SGCZ: variants seen among roughly 807,000 people sequenced by gnomAD.
SGCZ encodes the protein sarcoglycan zeta, also known as zeta-sarcoglycan.
Under a neutral mutation model 41.3 loss-of-function variants are expected in SGCZ, and 40 were observed. The observed-to-expected ratio is 0.97, with a 90% CI of 0.75 to 1.26. The LOEUF (loss-of-function observed/expected upper bound fraction) is 1.26, where lower values mean the gene tolerates loss of function less well. Among genes scored for constraint, SGCZ ranks in the 50% most tolerant of loss-of-function variants. The pLI is 0.00. For synonymous variants in SGCZ, 206 were observed against 137.5 expected (o/e 1.50, Z -3.49); for missense variants, 552 against 369.8 (o/e 1.49, Z -4.04).
chr8:14,555,737 A>T (rs553700439), intron 1 of SGCZ, among the ~76,000 whole-genome samples: 4 of 152,086 alleles, frequency 2.6e-5, no homozygotes, highest in Admixed American at 6.6e-5. Flanking sequence ...CTTTCTCTAA[A>T]AATGCAGGAT....
At chr8:14,343,017 G>A (rs979375496) in intron 2 of SGCZ, among the ~76,000 whole-genome samples, 2 of 152,182 alleles carry the variant, frequency 1.3e-5, no homozygotes, top group East Asian at 1.9e-4. Flanking sequence ...AGGGGCCAAG[G>A]TACAGCTTGG....
At chr8:15,086,739 C>A (rs1805963540) in intron 1 of SGCZ, among the ~76,000 whole-genome samples, 1 of 151,962 alleles carries the variant, frequency 6.6e-6, no homozygotes, top group African/African-American at 2.4e-5. Flanking sequence ...CTTTGTGGAC[C>A]TGGAATATTT....
At chr8:14,522,531 T>C (rs1313253701) in intron 2 of SGCZ, among the ~76,000 whole-genome samples, 2 of 151,940 alleles carry the variant, frequency 1.3e-5, no homozygotes, top group African/African-American at 4.8e-5. Flanking sequence ...ATTATTTCCT[T>C]TTTTATCCTT....
At chr8:14,505,588 T>G (rs1802282020) in intron 2 of SGCZ, among the ~76,000 whole-genome samples, 1 of 152,166 alleles carries the variant, frequency 6.6e-6, no homozygotes, top group African/African-American at 2.4e-5. Flanking sequence ...TTTCTCATCT[T>G]CCTAGTTTTT....
intron 1 of SGCZ, among the ~76,000 whole-genome samples, chr8:14,706,325 G>A (rs1229190748): frequency 7.1e-6 from 1 of 140,872 alleles, no homozygotes; most frequent in Non-Finnish European, 1.5e-5. Context: ...GATTCTTTTT[G>A]ACAATTGTGT....
intron 4 of SGCZ, among the ~76,000 whole-genome samples, chr8:14,222,513 A>T (rs1234176829): frequency 6.6e-6 from 1 of 151,996 alleles, no homozygotes; most frequent in Non-Finnish European, 1.5e-5. Context: ...AATAATCTTA[A>T]CTTTCATGCA....
intron 1 of SGCZ, among the ~76,000 whole-genome samples, chr8:15,097,863 T>TATATATATATATATATATAC (rs1563124023): frequency 1.3e-3 from 29 of 22,804 alleles, no homozygotes; most frequent in African/African-American, 3.4e-3. Context: ...TATACGTGTG[T>TATATATATATATATATATAC]GTGTATATAT....
intron 1 of SGCZ, among the ~76,000 whole-genome samples, chr8:14,604,483 G>A (rs1283735755): frequency 6.6e-6 from 1 of 152,036 alleles, no homozygotes; most frequent in East Asian, 1.9e-4. Context: ...TTGAGACATA[G>A]GCATACTCTT....
At chr8:14,842,078 G>A (rs901758457) in intron 1 of SGCZ, among the ~76,000 whole-genome samples, 12 of 152,130 alleles carry the variant, frequency 7.9e-5, no homozygotes, top group South Asian at 2.1e-4. Flanking sequence ...CTAGTAAGAC[G>A]ATGATAAAAC....
chr8:14,102,076 TTATATATATA>T (rs55667194), intron 7 of SGCZ, among the ~76,000 whole-genome samples: 18 of 119,906 alleles, frequency 1.5e-4, no homozygotes, highest in African/African-American at 4.1e-4. Context: ...TTGGCTAACT[TTATATATATA>T]TATATATATA....
intron 1 of SGCZ, among the ~76,000 whole-genome samples, chr8:14,704,056 A>G (rs767953335): frequency 3.9e-5 from 6 of 151,998 alleles, no homozygotes; most frequent in Non-Finnish European, 5.9e-5. Flanking sequence ...TACTTACTCA[A>G]TGTTGGATGT....
At chr8:14,991,235 C>G (rs989734935) in intron 1 of SGCZ, among the ~76,000 whole-genome samples, 3 of 152,032 alleles carry the variant, frequency 2.0e-5, no homozygotes, top group Admixed American at 1.3e-4. Context: ...GGTCTTTATT[C>G]TCATTCCATT....
chr8:14,893,482 G>A (rs1805091645), intron 1 of SGCZ, among the ~76,000 whole-genome samples: 1 of 152,074 alleles, frequency 6.6e-6, no homozygotes, highest in South Asian at 2.1e-4. Flanking sequence ...ATTAATAGAG[G>A]CCAAAAAAGT....
At chr8:14,336,757 G>A (rs889317160) in intron 2 of SGCZ, among the ~76,000 whole-genome samples, 3 of 152,074 alleles carry the variant, frequency 2.0e-5, no homozygotes, top group African/African-American at 7.2e-5. Flanking sequence ...GATTTCACAG[G>A]TATCCCAAAC....
intron 3 of SGCZ, among the ~76,000 whole-genome samples, chr8:14,296,416 T>C (rs2116959146): frequency 6.6e-6 from 1 of 152,316 alleles, no homozygotes; most frequent in East Asian, 1.9e-4. Flanking sequence ...TGGATTTATA[T>C]GAAGGATTAA....
At chr8:14,834,466 C>A (rs951913849) in intron 1 of SGCZ, among the ~76,000 whole-genome samples, 1 of 152,150 alleles carries the variant, frequency 6.6e-6, no homozygotes, top group African/African-American at 2.4e-5. Flanking sequence ...TGAGGTCCCT[C>A]CTTAACATAG....
At chr8:14,144,461 T>C (rs973239841) in intron 5 of SGCZ, among the ~76,000 whole-genome samples, 1 of 152,050 alleles carries the variant, frequency 6.6e-6, no homozygotes, top group African/African-American at 2.4e-5. Flanking sequence ...GGGCCCTGAG[T>C]AACCAGTAGC....
intron 4 of SGCZ, among the ~76,000 whole-genome samples, chr8:14,178,563 T>C (rs4831279): frequency 0.24 from 37,264 of 152,128 alleles, 6,119 homozygotes; most frequent in African/African-American, 0.47. Flanking sequence ...CTGTTGGATA[T>C]TTTGATAAGC....
intron 2 of SGCZ, among the ~76,000 whole-genome samples, chr8:14,393,886 G>T (rs756679660): frequency 2.6e-5 from 4 of 152,224 alleles, no homozygotes; most frequent in South Asian, 4.2e-4. Context: ...TCTTGGGAGA[G>T]AATTTTCTAT....
Sources: allele counts gnomAD v4.1 joint callset (sites outside exome capture counted in the v4.1 genomes callset), GRCh38; gene constraint gnomAD v4.1.1; transcripts MANE v1.5; gene names NCBI Gene and HGNC (gene_info 2026-07-23, HGNC 2026-07-21).